Variants in CD226 observed in about 807,000 individuals in gnomAD.
CD226 encodes CD226 antigen.
A neutral mutation model predicts 34.9 loss-of-function variants in CD226; 24 were observed. The observed-to-expected ratio is 0.69, with a 90% confidence interval of 0.50 to 0.97. The LOEUF (loss-of-function observed/expected upper bound fraction) is 0.97, where lower values mean the gene tolerates loss of function less well. CD226 is among the 50% of genes least tolerant of loss of function. CD226 has a pLI of 0.00. For synonymous variants in CD226, 148 were observed against 147.4 expected (o/e 1.00, Z -0.03); for missense variants, 397 against 412.7 (o/e 0.96, Z 0.33).
intron 3 of CD226, among the ~76,000 whole-genome samples, chr18:69,891,017 C>CAAA (rs60491291): frequency 0.28 from 30,377 of 110,386 alleles, 4,237 homozygotes; most frequent in Middle Eastern, 0.35. Context: ...AAAGACACCA[C>CAAA]AAAAAAAAAA....
chr18:69,919,613 A>G lies in CD226; in HGVS notation c.383-23568T>C, dbSNP rs558475497. 7.9e-5 allele frequency among the ~76,000 whole-genome samples: 12 copies of G among 152,318 alleles called. No individual in the cohort carries two copies. The South Asian group carries it at 1.0e-3, about 13-fold the overall frequency. ...ATAAATGCTGAAGAGACAAAACATA[A>G]TATCTGTCTGTGAAGTAAATGGCAC... On this transcript the variant is annotated intron_variant, in intron 2 of 5. Transcript: ENST00000582621.
At chr18:69,882,628 AT>A (rs1366794205) in intron 3 of CD226, among the ~76,000 whole-genome samples, 3 of 152,178 alleles carry the variant, frequency 2.0e-5, no homozygotes, top group African/African-American at 4.8e-5. Context: ...ATTTACCTCA[AT>A]TTTTATGAAC....
chr18:69,886,535 G>A (rs547489380), intron 3 of CD226, among the ~76,000 whole-genome samples: 2 of 151,974 alleles, frequency 1.3e-5, no homozygotes, highest in East Asian at 1.9e-4. Flanking sequence ...GTGAAACCCC[G>A]TCTCTTCTAA....
intron 2 of CD226, among the ~76,000 whole-genome samples, chr18:69,906,520 C>T (rs1001160439): frequency 1.6e-4 from 24 of 151,946 alleles, no homozygotes; most frequent in African/African-American, 5.1e-4. Context: ...GCAAAAATCT[C>T]GTCAGGAATA....
At chr18:69,895,200 T>C (rs1985194963) in intron 3 of CD226, among the ~76,000 whole-genome samples, 2 of 152,166 alleles carry the variant, frequency 1.3e-5, no homozygotes, top group Admixed American at 1.3e-4. Flanking sequence ...TGAAAAAGAC[T>C]GAGAGAAAAA....
At position 69,859,365 on chromosome 18, in the gene CD226, GAA is replaced by G. The variant is rs1001025288; in HGVS notation, c.*4947_*4948del. The G allele has an allele frequency of 6.6e-6, 1 of 151,904 alleles. No individual in the cohort carries two copies. Among genetic ancestry groups the G allele is most frequent in the African/African-American group, 2.4e-5 (1 of 41,364 alleles). The allele number at this position is 151,904 out of a possible 1,614,324, so 9.4% of individuals were successfully genotyped here. A position where few individuals can be genotyped will look rare whatever the true frequency, so the allele number is the denominator to read the frequency against. On this transcript the variant is annotated 3_prime_UTR_variant, in exon 6 of 6. Coordinates refer to ENST00000582621, the MANE Select transcript of CD226 (RefSeq NM_001303618.2). Reference sequence around the variant, plus strand: ...GAATGACAATTATTAGCTCTAGGTGGAAAAAAAGTTATGTAGGAGGGAAAGCA... The same window carrying G: ...GAATGACAATTATTAGCTCTAGGTGGAAAAAGTTATGTAGGAGGGAAAGCA...
upstream of CD226, chr18:69,961,472 T>A (rs1224784096): frequency 1.3e-5 from 2 of 152,212 alleles, no homozygotes; most frequent in Non-Finnish European, 2.9e-5. Flanking sequence ...AAATGTTATA[T>A]GTTTGCACAA....
intron 2 of CD226, among the ~76,000 whole-genome samples, chr18:69,911,022 G>C (rs750183051): frequency 4.6e-5 from 7 of 152,194 alleles, no homozygotes; most frequent in Non-Finnish European, 1.5e-5. Flanking sequence ...GGGTGGAACC[G>C]AGGCCATAAA....
chr18:69,895,648 C>T (rs536738879), intron 3 of CD226, 53 bp downstream of exon 3: 28 of 1,360,462 alleles, frequency 2.1e-5, no homozygotes, highest in African/African-American at 5.8e-5. Flanking sequence ...GACCAGCCCA[C>T]GGGGCTGGCT....
rs1982899294 is a variant in CD226, at chr18:69,862,893, T to C, written c.*1421A>G. The C allele has an allele frequency of 6.6e-6, 1 of 152,196 alleles. No individual in the cohort carries two copies. Among genetic ancestry groups the C allele is most frequent in the Non-Finnish European group, 1.5e-5 (1 of 68,016 alleles). The allele number at this position is 152,196 out of a possible 1,614,324, so 9.4% of individuals were successfully genotyped here. A position where few individuals can be genotyped will look rare whatever the true frequency, so the allele number is the denominator to read the frequency against. On this transcript the variant is annotated 3_prime_UTR_variant, in exon 6 of 6. Coordinates refer to ENST00000582621, the MANE Select transcript of CD226 (RefSeq NM_001303618.2). ...CTAGATGGTGGTCTTTAGAAATCTT[T>C]AGAGATAAATAATGAATCTTTTAGA...
chr18:69,880,345 A>AAGG (rs1568164877), intron 3 of CD226, among the ~76,000 whole-genome samples: 4 of 68,922 alleles, frequency 5.8e-5, no homozygotes, highest in African/African-American at 1.2e-4. Flanking sequence ...AGAAAGAAAG[A>AAGG]AAGAAAGAAA....
rs1181272847 is a variant in CD226 at position 69,859,622 on chromosome 18, TAAATA to T, written c.*4687_*4691del. Reference sequence around the variant, plus strand: ...AGCATGCTATTCAGAAAAGTGAACATAAATAAAATAATGAGTTAGAAGTAGTAAAA... The same window carrying T: ...AGCATGCTATTCAGAAAAGTGAACATAAATAATGAGTTAGAAGTAGTAAAA... On this transcript the variant is annotated 3_prime_UTR_variant, in exon 6 of 6. Transcript: ENST00000582621. 1 of 150,798 alleles carries T rather than the reference TAAATA, an allele frequency of 6.6e-6. No homozygotes were observed. Among genetic ancestry groups the T allele is most frequent in the Admixed American group, 6.6e-5 (1 of 15,152 alleles). 9.3% of individuals were successfully genotyped at this position (150,798 alleles called of 1,614,324 possible).
rs756664014 is a variant in CD226, at chr18:69,886,655, G to A, written c.727+9046C>T. ...CAGGAGGAGGAGGTTGCAGTGAGCC[G>A]AGATCGTGCCATTGCACTCCAGCCT... On this transcript the variant is annotated intron_variant, in intron 3 of 5. Coordinates refer to ENST00000582621, the MANE Select transcript of CD226 (RefSeq NM_001303618.2). Among the ~76,000 whole-genome samples the A allele has an allele frequency of 1.7e-4, 26 of 151,888 alleles. 1 individual carries two copies. The highest frequency in any genetic ancestry group is 5.8e-4 in the African/African-American group (24 of 41,390).
chr18:69,860,721 G>A lies in CD226; in HGVS notation c.*3593C>T, dbSNP rs1288946856. On this transcript the variant is annotated 3_prime_UTR_variant, in exon 6 of 6. Transcript: ENST00000582621. ...ACTTATACAGAAGTCTGAAGGTGGA[G>A]ATCAGTACTTTCTAGATGTTACATT... 1 of 152,106 alleles carries A rather than the reference G, an allele frequency of 6.6e-6. No homozygotes were observed. The highest frequency in any genetic ancestry group is 1.9e-4 in the East Asian group (1 of 5,204). The allele number at this position is 152,106 out of a possible 1,614,324, so 9.4% of individuals were successfully genotyped here.
chr18:69,949,295 G>T (rs1041296205), upstream of CD226, among the ~76,000 whole-genome samples: 1 of 152,132 alleles, frequency 6.6e-6, no homozygotes, highest in Non-Finnish European at 1.5e-5. Flanking sequence ...TGGAGAAAGC[G>T]GTGCACACAA....
At chr18:69,896,243 G>T in intron 2 of CD226, 198 bp from the exon 3 acceptor site, 3 of 734,680 alleles carry the variant, frequency 4.1e-6, no homozygotes, top group Non-Finnish European at 5.0e-6. Flanking sequence ...GTGCAGTGGT[G>T]TGATCTCGGC....
chr18:69,937,857 T>C (rs774344881), intron 2 of CD226, among the ~76,000 whole-genome samples: 5 of 152,164 alleles, frequency 3.3e-5, no homozygotes, highest in Non-Finnish European at 5.9e-5. Context: ...ATAGGATTCC[T>C]CAGAACTGCC....
At chr18:69,948,377 T>G (rs2055817877), upstream of CD226, among the ~76,000 whole-genome samples, 1 of 152,196 alleles carries the variant, frequency 6.6e-6, no homozygotes, top group Non-Finnish European at 1.5e-5. Context: ...TATAAATGCA[T>G]TTGACCCTGG....
At chr18:69,872,090 G>GTGTGTGTGTGT (rs57236296) in intron 4 of CD226, among the ~76,000 whole-genome samples, 1 of 149,418 alleles carries the variant, frequency 6.7e-6, no homozygotes, top group Non-Finnish European at 1.5e-5. Context: ...GTGTGTGTGT[G>GTGTGTGTGTGT]GTGCATTTGG....
Sources: gnomAD v4.1 joint callset for allele counts (sites outside exome capture counted in the v4.1 genomes callset) on GRCh38, gnomAD v4.1.1 for gene constraint, MANE v1.5 for transcripts, NCBI Gene and HGNC (gene_info 2026-07-23, HGNC 2026-07-21) for gene names.